Variants in RBFOX1 observed in about 807,000 individuals in gnomAD.
RBFOX1 encodes the protein RNA binding protein fox-1 homolog 1.
In RBFOX1, 8 loss-of-function variants were observed where a neutral mutation model predicts 57.7. That is an observed-to-expected ratio of 0.14 (90% CI 0.08 to 0.25). The LOEUF is 0.25. Among genes scored for constraint, RBFOX1 ranks in the 10% least tolerant of loss-of-function variants. The pLI, the probability that RBFOX1 is intolerant of heterozygous loss-of-function variation, is 1.00. For synonymous variants in RBFOX1, 326 were observed against 222.4 expected (o/e 1.47, Z -4.15); for missense variants, 611 against 548.5 (o/e 1.11, Z -1.14).
At chr16:7,136,471 A>G (rs369680875) in intron 4 of RBFOX1, among the ~76,000 whole-genome samples, 6 of 147,656 alleles carry the variant, frequency 4.1e-5, no homozygotes, top group African/African-American at 7.6e-5. Context: ...CAGTGGTGCA[A>G]TGATGGTGCA....
At chr16:7,564,071 A>C (rs1185786903) in intron 5 of RBFOX1, among the ~76,000 whole-genome samples, 1 of 151,928 alleles carries the variant, frequency 6.6e-6, no homozygotes, top group East Asian at 1.9e-4. Flanking sequence ...TGTGTCCCCT[A>C]CTCCAGGTCA....
intron 1 of RBFOX1, among the ~76,000 whole-genome samples, chr16:6,118,971 A>T: frequency 6.7e-6 from 1 of 148,874 alleles, no homozygotes; most frequent in African/African-American, 2.5e-5. Context: ...AGACCATTTT[A>T]CCTTAGTTCC....
intron 3 of RBFOX1, among the ~76,000 whole-genome samples, chr16:6,990,341 A>T (rs967278551): frequency 6.6e-6 from 1 of 152,114 alleles, no homozygotes; most frequent in African/African-American, 2.4e-5. Flanking sequence ...CCTGGCCAAC[A>T]TGGTGAAACC....
intron 1 of RBFOX1, among the ~76,000 whole-genome samples, chr16:5,266,390 G>T (rs1207736229): frequency 6.6e-6 from 1 of 152,108 alleles, no homozygotes; most frequent in Non-Finnish European, 1.5e-5. Flanking sequence ...GCCCCCATCT[G>T]AGAACTGCTG....
rs767926411 is a variant in RBFOX1 at position 5,326,404 on chromosome 16, G to T, written c.219+86299G>T. 1.1e-4 allele frequency among the ~76,000 whole-genome samples: 16 copies of T among 152,244 alleles called. No homozygotes were observed. In the South Asian group the frequency reaches 3.3e-3, roughly 32 times the overall value. ...TGTCCAAGTCCCCTTCTACTATTTTGAGCCCCATCCATACACTTGAGGCTG... is the reference window on the plus strand; with the variant it reads ...TGTCCAAGTCCCCTTCTACTATTTTTAGCCCCATCCATACACTTGAGGCTG... On this transcript the variant is annotated intron_variant, in intron 1 of 2. Transcript: ENST00000585867.
chr16:7,488,323 C>T (rs966487890), intron 4 of RBFOX1, among the ~76,000 whole-genome samples: 1 of 152,106 alleles, frequency 6.6e-6, no homozygotes, highest in South Asian at 2.1e-4. Context: ...TTTTCTTTTT[C>T]TCCTTTATTA....
chr16:6,642,792 G>A (rs2154075332), intron 2 of RBFOX1, among the ~76,000 whole-genome samples: 1 of 152,196 alleles, frequency 6.6e-6, no homozygotes, highest in South Asian at 2.1e-4. Context: ...TACTGTCAGA[G>A]AAAATATCCC....
At chr16:5,935,490 A>T (rs1473920988) in intron 4 of RBFOX1, among the ~76,000 whole-genome samples, 4 of 152,166 alleles carry the variant, frequency 2.6e-5, no homozygotes, top group Non-Finnish European at 4.4e-5. Context: ...GCTGTTCCTA[A>T]TTGGTACCTG....
At chr16:6,559,143 A>ATG (rs2153902516) in intron 2 of RBFOX1, among the ~76,000 whole-genome samples, 1 of 150,796 alleles carries the variant, frequency 6.6e-6, no homozygotes, top group Non-Finnish European at 1.5e-5. Flanking sequence ...GTATATACAT[A>ATG]TGTGTATATA....
chr16:7,697,537 C>T (rs1440675398), intron 14 of RBFOX1, among the ~76,000 whole-genome samples: 5 of 152,056 alleles, frequency 3.3e-5, no homozygotes, highest in Admixed American at 6.6e-5. Flanking sequence ...ATGTATAATG[C>T]ATGCATATGT....
intron 3 of RBFOX1, among the ~76,000 whole-genome samples, chr16:6,945,160 G>A (rs567717861): frequency 8.6e-5 from 13 of 152,040 alleles, no homozygotes; most frequent in Non-Finnish European, 1.6e-4. Flanking sequence ...ATGAGAGTAT[G>A]GGGAAAAAAG....
At chr16:6,603,989 G>A (rs2097890859) in intron 2 of RBFOX1, among the ~76,000 whole-genome samples, 1 of 152,044 alleles carries the variant, frequency 6.6e-6, no homozygotes, top group Non-Finnish European at 1.5e-5. Context: ...TCCCAGCCTT[G>A]GGGGTTCTGC....
chr16:5,286,729 A>C (rs2063404018), intron 1 of RBFOX1, among the ~76,000 whole-genome samples: 1 of 152,176 alleles, frequency 6.6e-6, no homozygotes, highest in South Asian at 2.1e-4. Context: ...TAAAGAGGCA[A>C]ACGGTAATAT....
intron 4 of RBFOX1, among the ~76,000 whole-genome samples, chr16:5,999,867 CAAAAAAAAAAAAAAAAAAAAAAAAAAAA>C (rs869221577): frequency 3.6e-5 from 1 of 27,664 alleles, no homozygotes; most frequent in African/African-American, 1.5e-4. Context: ...GACTCCACCT[CAAAAAAAAAAAAAAAAAAAAAAAAAAAA>C]AAAAAAAAAA....
intron 3 of RBFOX1, among the ~76,000 whole-genome samples, chr16:5,773,401 A>T (rs2054043309): frequency 6.6e-6 from 1 of 152,242 alleles, no homozygotes; most frequent in Admixed American, 6.5e-5. Flanking sequence ...TTGTTTACAT[A>T]AATGAGATCA....
intron 4 of RBFOX1, among the ~76,000 whole-genome samples, chr16:7,441,469 T>C (rs1018819078): frequency 6.6e-6 from 1 of 152,186 alleles, no homozygotes; most frequent in African/African-American, 2.4e-5. Context: ...TTCATGGATG[T>C]GCCAGCGTCA....
intron 4 of RBFOX1, among the ~76,000 whole-genome samples, chr16:7,401,060 C>G (rs1043544031): frequency 6.6e-6 from 1 of 152,108 alleles, no homozygotes; most frequent in African/African-American, 2.4e-5. Flanking sequence ...GAGGGGGTAT[C>G]CAAAATACAG....
intron 3 of RBFOX1, among the ~76,000 whole-genome samples, chr16:6,930,652 C>G (rs117771295): frequency 2.0e-5 from 3 of 152,046 alleles, no homozygotes; most frequent in African/African-American, 4.8e-5. Context: ...TTAGGTGATC[C>G]GCCTGCCTTG....
At chr16:6,921,907 C>T (rs780910736) in intron 3 of RBFOX1, among the ~76,000 whole-genome samples, 3 of 152,078 alleles carry the variant, frequency 2.0e-5, no homozygotes, top group Non-Finnish European at 4.4e-5. Flanking sequence ...AGGGTGAGAA[C>T]ACAGGAAGTC....
Sources: allele counts gnomAD v4.1 joint callset (sites outside exome capture counted in the v4.1 genomes callset), GRCh38; gene constraint gnomAD v4.1.1; transcripts MANE v1.5; gene names NCBI Gene and HGNC (gene_info 2026-07-23, HGNC 2026-07-21).